NT5DC1: variants seen among roughly 807,000 people sequenced by gnomAD.
NT5DC1 encodes 5'-nucleotidase domain-containing protein 1.
In NT5DC1, 42 loss-of-function variants were observed where a neutral mutation model predicts 59.4. The observed-to-expected ratio is 0.71, with a 90% confidence interval of 0.55 to 0.92. The LOEUF is 0.92. Ranked by LOEUF, NT5DC1 falls within the 40% of genes least tolerant of loss-of-function variation. NT5DC1 has a pLI of 0.00. For synonymous variants in NT5DC1, 172 were observed against 188.1 expected (o/e 0.91, Z 0.70); for missense variants, 501 against 537.1 (o/e 0.93, Z 0.66).
chr6:116,218,222 A>G (rs1259387440), intron 6 of NT5DC1, among the ~76,000 whole-genome samples: 1 of 152,182 alleles, frequency 6.6e-6, no homozygotes. Flanking sequence ...TATTGTATTT[A>G]AATGCGTATG....
intron 6 of NT5DC1, among the ~76,000 whole-genome samples, chr6:116,220,214 T>TA (rs1309817452): frequency 1.3e-5 from 2 of 149,970 alleles, no homozygotes; most frequent in African/African-American, 4.9e-5. Context: ...ATCTGCTTAC[T>TA]AGTTCTATCA....
At chr6:116,103,020 T>A (rs933364769) in intron 1 of NT5DC1, among the ~76,000 whole-genome samples, 1 of 152,228 alleles carries the variant, frequency 6.6e-6, no homozygotes, top group Admixed American at 6.5e-5. Flanking sequence ...TAAGCCCACC[T>A]TCAGTTTTCC....
At chr6:116,220,389 C>A (rs1299085997) in intron 6 of NT5DC1, among the ~76,000 whole-genome samples, 1 of 152,126 alleles carries the variant, frequency 6.6e-6, no homozygotes, top group Non-Finnish European at 1.5e-5. Context: ...CTCAGCCAGA[C>A]CCCGTGGCCA....
At chr6:116,209,615 A>T (rs1207831978) in intron 6 of NT5DC1, among the ~76,000 whole-genome samples, 1 of 151,944 alleles carries the variant, frequency 6.6e-6, no homozygotes, top group Non-Finnish European at 1.5e-5. Flanking sequence ...TCCAAGGTTC[A>T]CCAGGCAGCA....
chr6:116,142,931 A>C (rs9488850), intron 6 of NT5DC1, among the ~76,000 whole-genome samples: 5,234 of 152,218 alleles, frequency 0.034, 294 homozygotes, highest in African/African-American at 0.12. Flanking sequence ...GCAAAATCCA[A>C]AAATCTGGAT....
At chr6:116,173,384 G>A (rs1486419809) in intron 6 of NT5DC1, among the ~76,000 whole-genome samples, 2 of 152,194 alleles carry the variant, frequency 1.3e-5, no homozygotes, top group Non-Finnish European at 2.9e-5. Context: ...CCCATCTGGG[G>A]TGGGAAAACA....
At chr6:116,171,731 G>A (rs1004608384) in intron 6 of NT5DC1, among the ~76,000 whole-genome samples, 13 of 152,058 alleles carry the variant, frequency 8.5e-5, no homozygotes, top group African/African-American at 2.4e-4. Flanking sequence ...GAGTTTTTAC[G>A]GTTTTCTCCC....
intron 6 of NT5DC1, among the ~76,000 whole-genome samples, chr6:116,195,333 A>G (rs1008002114): frequency 6.6e-6 from 1 of 152,018 alleles, no homozygotes; most frequent in Non-Finnish European, 1.5e-5. Flanking sequence ...TGACTCAAAC[A>G]TTGGAAATTT....
chr6:116,102,010 A>G (rs1778667753), intron 1 of NT5DC1, among the ~76,000 whole-genome samples: 1 of 152,204 alleles, frequency 6.6e-6, no homozygotes, highest in Non-Finnish European at 1.5e-5. Flanking sequence ...CCATCTGTAA[A>G]ATGGAGCTAA....
chr6:116,247,914 T>A lies in NT5DC1; in HGVS notation c.*3890T>A, dbSNP rs1462147110. The A allele has an allele frequency of 6.6e-6, 1 of 152,218 alleles. No homozygotes were observed. The highest frequency in any genetic ancestry group is 2.4e-5 in the African/African-American group (1 of 41,458). The allele number at this position is 152,218 out of a possible 1,614,324, so 9.4% of individuals were successfully genotyped here. Reference sequence around the variant, plus strand: ...TCTTTTTGGTACATTAAATATTCAGTGCCTTTGATGAAGGGAACAAACTGA... The same window carrying A: ...TCTTTTTGGTACATTAAATATTCAGAGCCTTTGATGAAGGGAACAAACTGA... On this transcript the variant is annotated 3_prime_UTR_variant, in exon 12 of 12. Coordinates refer to ENST00000319550, the MANE Select transcript of NT5DC1 (RefSeq NM_152729.3).
At chr6:116,124,527 G>A (rs906687582) in intron 6 of NT5DC1, among the ~76,000 whole-genome samples, 1 of 152,166 alleles carries the variant, frequency 6.6e-6, no homozygotes, top group Non-Finnish European at 1.5e-5. Flanking sequence ...CTTATTGAAG[G>A]CTATATTAGT....
intron 6 of NT5DC1, among the ~76,000 whole-genome samples, chr6:116,164,614 T>C (rs1366641180): frequency 6.6e-6 from 1 of 152,232 alleles, no homozygotes; most frequent in African/African-American, 2.4e-5. Context: ...CCTTGCCTAA[T>C]ATTGTTAGCT....
intron 6 of NT5DC1, among the ~76,000 whole-genome samples, chr6:116,216,043 G>T (rs1369467294): frequency 2.0e-5 from 3 of 152,072 alleles, no homozygotes; most frequent in Admixed American, 6.6e-5. Flanking sequence ...AAGGAGGAAT[G>T]AAATCCATCA....
intron 6 of NT5DC1, among the ~76,000 whole-genome samples, chr6:116,208,509 T>C (rs1781505516): frequency 1.3e-5 from 2 of 152,198 alleles, no homozygotes; most frequent in Admixed American, 6.5e-5. Context: ...TTCCTATTTC[T>C]TGCACAGTTA....
At chr6:116,187,178 C>T (rs1186578640) in intron 6 of NT5DC1, among the ~76,000 whole-genome samples, 1 of 152,014 alleles carries the variant, frequency 6.6e-6, no homozygotes, top group Non-Finnish European at 1.5e-5. Context: ...TGATCTGGTA[C>T]TGGGAAGTGT....
chr6:116,242,327 C>G (rs973421198), intron 11 of NT5DC1, among the ~76,000 whole-genome samples: 2 of 151,934 alleles, frequency 1.3e-5, no homozygotes, highest in Non-Finnish European at 2.9e-5. Flanking sequence ...GGCAACAGAG[C>G]AAGACTCTTG....
intron 10 of NT5DC1, 116 bp downstream of exon 10, chr6:116,238,464 T>TAAAAAAAAAAAAAAAAAAAAAAA: frequency 4.0e-6 from 1 of 248,834 alleles, no homozygotes; most frequent in Non-Finnish European, 7.2e-6. Flanking sequence ...ACCATCATGT[T>TAAAAAAAAAAAAAAAAAAAAAAA]AAAAAAAAAA....
intron 6 of NT5DC1, among the ~76,000 whole-genome samples, chr6:116,177,705 A>T (rs907489877): frequency 6.6e-6 from 1 of 152,196 alleles, no homozygotes; most frequent in Admixed American, 6.5e-5. Flanking sequence ...CAGCTCTCTT[A>T]AAGTTTATTA....
chr6:116,198,330 A>G lies in NT5DC1; in HGVS notation c.530-22724A>G, dbSNP rs140266950. Among the ~76,000 whole-genome samples, 4 of 152,180 alleles carry G rather than the reference A, an allele frequency of 2.6e-5. No homozygotes were observed. In the South Asian group the frequency reaches 6.2e-4, roughly 24 times the overall value. On this transcript the variant is annotated intron_variant, in intron 6 of 11. Coordinates refer to ENST00000319550, the MANE Select transcript of NT5DC1 (RefSeq NM_152729.3). ...CCAGTAAATGATGGCTTATATGGAGATAGGCCTTTCCTTTTCAGGACCATT... is the reference window on the plus strand; with the variant it reads ...CCAGTAAATGATGGCTTATATGGAGGTAGGCCTTTCCTTTTCAGGACCATT...
Sources: allele counts gnomAD v4.1 joint callset (sites outside exome capture counted in the v4.1 genomes callset), GRCh38; gene constraint gnomAD v4.1.1; transcripts MANE v1.5; gene names NCBI Gene and HGNC (gene_info 2026-07-23, HGNC 2026-07-21).